Variants in WDR93 observed in about 807,000 individuals in gnomAD.
WDR93 encodes the protein WD repeat-containing protein 93.
WDR93 carries 73 observed loss-of-function variants against 82.9 expected under a neutral mutation model. The ratio of observed to expected loss-of-function variants is 0.88; its 90% confidence interval spans 0.73 to 1.07. The LOEUF (loss-of-function observed/expected upper bound fraction) is 1.07, where lower values mean the gene tolerates loss of function less well. Among genes scored for constraint, WDR93 ranks in the 50% least tolerant of loss-of-function variants. The pLI is 0.00. For missense variants in WDR93, 738 were observed against 826.0 expected, an observed-to-expected ratio of 0.89 and a Z score of 1.31; for synonymous variants, 283 against 300.1, an observed-to-expected ratio of 0.94 and a Z score of 0.59.
At chr15:89,742,197 A>G (rs1382761439) in intron 16 of WDR93, among the ~76,000 whole-genome samples, 2 of 152,188 alleles carry the variant, frequency 1.3e-5, no homozygotes, top group Non-Finnish European at 2.9e-5. Context: ...GATTAGCCTG[A>G]GCAACATAGT....
At position 89,724,427 on chromosome 15, in the gene WDR93, A is replaced by G. The variant is rs182959309; in HGVS notation, c.880+2288A>G. ...AAGACTTTTCAAATAAGACACAAAA[A>G]GTACTTACAATTTTTAAAAATTGAA... On this transcript the variant is annotated intron_variant, in intron 8 of 16. Coordinates refer to ENST00000268130, the MANE Select transcript of WDR93 (RefSeq NM_020212.2). 3.4e-4 allele frequency among the ~76,000 whole-genome samples: 51 copies of G among 151,738 alleles called. No homozygotes were observed. In the East Asian group the frequency reaches 9.5e-3, roughly 28 times the overall value.
At chr15:89,735,942 C>T (rs1244582188) in intron 14 of WDR93, among the ~76,000 whole-genome samples, 1 of 152,174 alleles carries the variant, frequency 6.6e-6, no homozygotes, top group East Asian at 1.9e-4. Flanking sequence ...GGCAAGAGAG[C>T]ACCACGTGTC....
intron 1 of WDR93, among the ~76,000 whole-genome samples, chr15:89,700,360 T>G (rs1965394009): frequency 6.6e-6 from 1 of 152,102 alleles, no homozygotes; most frequent in African/African-American, 2.4e-5. Flanking sequence ...GCATCACAGA[T>G]GTACTCCAGC....
At chr15:89,736,171 C>G (rs1329600626) in intron 14 of WDR93, among the ~76,000 whole-genome samples, 3 of 152,208 alleles carry the variant, frequency 2.0e-5, no homozygotes, top group African/African-American at 7.2e-5. Flanking sequence ...GTTGAGAGAT[C>G]TCAGTTCGGC....
intron 4 of WDR93, among the ~76,000 whole-genome samples, chr15:89,711,637 A>G (rs1965985092): frequency 6.6e-6 from 1 of 152,146 alleles, no homozygotes; most frequent in Non-Finnish European, 1.5e-5. Flanking sequence ...CCATAGTCTA[A>G]ATAGAGCCTT....
At chr15:89,713,720 G>A (rs192001399) in intron 5 of WDR93, among the ~76,000 whole-genome samples, 3 of 152,200 alleles carry the variant, frequency 2.0e-5, no homozygotes, top group Admixed American at 6.5e-5. Flanking sequence ...TGATCCGCCC[G>A]CCTCGGCCTC....
chr15:89,727,736 CA>C (rs1169936812), intron 9 of WDR93, among the ~76,000 whole-genome samples: 6 of 152,258 alleles, frequency 3.9e-5, no homozygotes, highest in Admixed American at 6.5e-5. Context: ...CAGTTTTATA[CA>C]TGACAGCTCT....
chr15:89,709,147 G>C (rs916791119), intron 4 of WDR93, among the ~76,000 whole-genome samples: 1 of 152,212 alleles, frequency 6.6e-6, no homozygotes, highest in Non-Finnish European at 1.5e-5. Flanking sequence ...CAAAGACAGA[G>C]AGGTCAGCAA....
rs776505401 is a variant in WDR93, at chr15:89,735,567, G to T, written c.1608+14G>T. On this transcript the variant is annotated intron_variant, in intron 14 of 16. Coordinates refer to ENST00000268130, the MANE Select transcript of WDR93 (RefSeq NM_020212.2). ...TTACCTGGCATGGTAGGTTCCCCAT[G>T]CCTCTCTGTAAATGCCCCATGCCTC... 5.6e-5 allele frequency: 90 copies of T among 1,613,132 alleles called. 1 individual carries two copies. Among genetic ancestry groups the T allele is most frequent in the Non-Finnish European group, 7.5e-5 (88 of 1,179,228 alleles).
rs562524263 is a variant in WDR93, at chr15:89,705,972, G to A, written c.561+354G>A. On this transcript the variant is annotated intron_variant, in intron 4 of 16. Transcript: ENST00000268130. The stretch of plus-strand genomic sequence containing the variant: ...CCATGCTGTTCCTTCTGCTTCAAAT[G>A]CTCTCCTTGTCTCCCTGCCGCCTTG... Among the ~76,000 whole-genome samples, 25 of 152,218 alleles carry A rather than the reference G, an allele frequency of 1.6e-4. 1 individual carries two copies. In the South Asian group the frequency reaches 5.2e-3, roughly 32 times the overall value.
In WDR93 at chr15:89,712,092, T is replaced by A; in HGVS notation, c.628T>A (p.Phe210Ile). 1 of 1,612,520 alleles carries A rather than the reference T, an allele frequency of 6.2e-7. No homozygotes were observed. Among genetic ancestry groups the A allele is most frequent in the Non-Finnish European group, 8.5e-7 (1 of 1,179,184 alleles). The change falls in exon 5 of 17, where the codon TTC becomes ATC. Residue 210 changes from phenylalanine to isoleucine, a missense_variant. Physicochemically the swap from Phe to Ile is conservative, Grantham distance 21 (BLOSUM62 0). Transcript: ENST00000268130. ...CTCTCAAGGAGGGGACTTTGCAGCC[T>A]TCCTCCTACAAGGCAAGATTAACCA... is the stretch of plus-strand genomic sequence containing the variant. Reference protein sequence around the residue: ...EISQGGDFAAFLLQGAGDIWL... With the variant: ...EISQGGDFAAILLQGAGDIWL...
intron 14 of WDR93, among the ~76,000 whole-genome samples, chr15:89,737,088 G>A (rs1967261501): frequency 6.6e-6 from 1 of 152,220 alleles, no homozygotes; most frequent in South Asian, 2.1e-4. Context: ...ATCGCGCCCG[G>A]CCAAAGGGGA....
chr15:89,708,212 A>G (rs1351278955), intron 4 of WDR93, among the ~76,000 whole-genome samples: 1 of 152,208 alleles, frequency 6.6e-6, no homozygotes, highest in Non-Finnish European at 1.5e-5. Flanking sequence ...AGAGGTACAC[A>G]TATGTCAAAA....
chr15:89,738,273 G>A, intron 16 of WDR93, 37 bp downstream of exon 16: 1 of 1,539,106 alleles, frequency 6.5e-7, no homozygotes, highest in Non-Finnish European at 8.7e-7. Flanking sequence ...TCCCACATCT[G>A]AGGTTGTCTC....
In WDR93 at chr15:89,738,249, G is replaced by C. The variant is rs761215363; in HGVS notation, c.1961+13G>C. 1.9e-6 allele frequency: 3 copies of C among 1,585,312 alleles called. No homozygotes were observed. The African/African-American group carries it at 4.1e-5, about 22-fold the overall frequency. On this transcript the variant is annotated intron_variant, in intron 16 of 16. Coordinates refer to ENST00000268130, the MANE Select transcript of WDR93 (RefSeq NM_020212.2). The stretch of plus-strand genomic sequence containing the variant: ...TCCTCCAGAAGAGGTAAAGAGCTCT[G>C]TGTCTTCACCCCCTCCCACATCTGA...
Position 89,743,294 on chromosome 15 carries a change from A to T in WDR93, c.1964A>T (p.Tyr655Phe), listed in dbSNP as rs143711734. The change falls in exon 17 of 17, where the codon TAT becomes TTT. Residue 655 changes from tyrosine to phenylalanine, a missense_variant and splice_region_variant. Transcript: ENST00000268130. ...CATCACAGTTGTGTGGCCCTCAGCT[A>T]TCGGAAGCTGGAGAAGAACCCAGAG... is the stretch of plus-strand genomic sequence containing the variant. The part of the protein sequence containing the change: ...KRCERFLQKS[Y>F]RKLEKNPEKE... 13 of 1,614,042 alleles carry T rather than the reference A, an allele frequency of 8.1e-6. No individual in the cohort carries two copies. Among genetic ancestry groups the T allele is most frequent in the Non-Finnish European group, 1.1e-5 (13 of 1,180,012 alleles).
chr15:89,722,203 A>G (rs1032403222), intron 8 of WDR93, 64 bp downstream of exon 8: 5 of 1,236,390 alleles, frequency 4.0e-6, no homozygotes, highest in Non-Finnish European at 4.5e-6. Flanking sequence ...TCCTTTCCCC[A>G]TGTCTTATCT....
intron 4 of WDR93, among the ~76,000 whole-genome samples, chr15:89,710,337 A>C (rs1226053192): frequency 1.3e-5 from 2 of 152,236 alleles, no homozygotes; most frequent in African/African-American, 4.8e-5. Flanking sequence ...GACACAAAAG[A>C]GTAGGTTCTA....
chr15:89,738,144 A>G lies in WDR93; in HGVS notation c.1869A>G (p.Lys623=). Residue 623 remains lysine, a synonymous_variant, in exon 16 of 17, where the codon AAA becomes AAG. Coordinates refer to ENST00000268130, the MANE Select transcript of WDR93 (RefSeq NM_020212.2). ...EACPLLENIS[K]NCTIPQRDLD... ...GCCCACTCCTGGAAAATATCTCAAA[A>G]AATTGTACCATTCCTCAAAGGGACT... 6 of 1,614,196 alleles carry G rather than the reference A, an allele frequency of 3.7e-6. No individual in the cohort carries two copies. Among genetic ancestry groups the G allele is most frequent in the Non-Finnish European group, 5.1e-6 (6 of 1,180,028 alleles).
Sources: gnomAD v4.1 joint callset for allele counts (sites outside exome capture counted in the v4.1 genomes callset) on GRCh38, gnomAD v4.1.1 for gene constraint, MANE v1.5 for transcripts, NCBI Gene and HGNC (gene_info 2026-07-23, HGNC 2026-07-21) for gene names.